Variants in ARHGEF18 observed in about 807,000 individuals in gnomAD.
The protein encoded by ARHGEF18 is rho guanine nucleotide exchange factor 18.
ARHGEF18 carries 93 observed loss-of-function variants against 155.7 expected under a neutral mutation model. The ratio of observed to expected loss-of-function variants is 0.60; its 90% CI spans 0.50 to 0.71. ARHGEF18 has a LOEUF of 0.71. Among genes scored for constraint, ARHGEF18 ranks in the 30% least tolerant of loss-of-function variants. ARHGEF18 has a pLI of 0.00. For synonymous variants in ARHGEF18, 742 were observed against 753.1 expected, an observed-to-expected ratio of 0.99 and a Z score of 0.24; for missense variants, 1,593 against 1,816.1, an observed-to-expected ratio of 0.88 and a Z score of 2.23.
intron 10 of ARHGEF18, among the ~76,000 whole-genome samples, chr19:7,438,785 G>C (rs1269103002): frequency 2.0e-5 from 3 of 152,162 alleles, no homozygotes; most frequent in Non-Finnish European, 4.4e-5. Context: ...TAAAATGTAA[G>C]AGTAAACTAG....
intron 2 of ARHGEF18, among the ~76,000 whole-genome samples, chr19:7,364,352 G>GAGGGAAGGA: frequency 1.5e-5 from 2 of 131,958 alleles, no homozygotes; most frequent in Non-Finnish European, 3.2e-5. Context: ...AGAAAGGAAG[G>GAGGGAAGGA]AAGGAGGGAA....
rs1234935114 is a variant in ARHGEF18, at chr19:7,440,440, C to T, written c.1064C>T (p.Pro355Leu). The T allele has an allele frequency of 6.2e-7, 1 of 1,601,616 alleles. No individual in the cohort carries two copies. Among genetic ancestry groups the T allele is most frequent in the Non-Finnish European group, 8.5e-7 (1 of 1,179,892 alleles). ...VGMTVSQKGG[P>L]QPTPSPAGPG... Reference sequence around the variant, plus strand: ...ATGACGGTCTCTCAGAAAGGGGGTCCCCAGCCAACACCGAGCCCGGCTGGC... The same window carrying T: ...ATGACGGTCTCTCAGAAAGGGGGTCTCCAGCCAACACCGAGCCCGGCTGGC... The change falls in exon 11 of 29, where the codon CCC (proline) becomes CTC (leucine). Residue 355 changes from proline to leucine, a missense_variant. Pro to Leu is a moderately conservative substitution (Grantham distance 98). Coordinates refer to ENST00000668164, the MANE Select transcript of ARHGEF18 (RefSeq NM_001367823.1). The surrounding 1 kb of genome is among the most constrained non-coding windows in gnomAD (Gnocchi z 5.4).
At chr19:7,434,779 G>A (rs1206854934) in intron 10 of ARHGEF18, among the ~76,000 whole-genome samples, 1 of 152,230 alleles carries the variant, frequency 6.6e-6, no homozygotes, top group Non-Finnish European at 1.5e-5. Context: ...CATCACAGGT[G>A]TGAGTTTGTT....
At chr19:7,458,462 G>A (rs771767376) in intron 18 of ARHGEF18, 50 bp from the exon 19 acceptor site, 2 of 1,567,828 alleles carry the variant, frequency 1.3e-6, no homozygotes, top group Non-Finnish European at 1.7e-6. Flanking sequence ...CCTGCTGTTT[G>A]GGTGCTGTGG....
chr19:7,352,147 A>C (rs75450991), intron 1 of ARHGEF18, among the ~76,000 whole-genome samples: 143,744 of 152,116 alleles, frequency 0.94, 67,964 homozygotes, highest in Middle Eastern at 0.99. Context: ...CTATAGGGAT[A>C]ATTTGTGTCT....
At chr19:7,429,114 G>A (rs576575655) in intron 10 of ARHGEF18, among the ~76,000 whole-genome samples, 3 of 99,594 alleles carry the variant, frequency 3.0e-5, no homozygotes, top group Admixed American at 2.1e-4. Context: ...TCGAGGGGCC[G>A]GGGGCTCTGA....
chr19:7,358,215 T>TTCCATCCATTCA (rs1969395748), intron 1 of ARHGEF18, among the ~76,000 whole-genome samples: 4 of 142,730 alleles, frequency 2.8e-5, no homozygotes, highest in Non-Finnish European at 1.5e-5. Context: ...CCATCCATCC[T>TTCCATCCATTCA]TCCATCCATC....
chr19:7,440,280 G>A lies in ARHGEF18; in HGVS notation c.968-64G>A, dbSNP rs1030201234. The A allele has an allele frequency of 3.3e-5, 52 of 1,567,242 alleles. No homozygotes were observed. Among genetic ancestry groups the A allele is most frequent in the Non-Finnish European group, 4.3e-5 (50 of 1,156,496 alleles). On this transcript the variant is annotated intron_variant, in intron 10 of 28. Transcript: ENST00000668164. This position sits in a 1 kb window ranked among gnomAD's most constrained non-coding sequence, Gnocchi z 5.4. ...GCCGCAGTCGGAGCGGGGCTTCCGC[G>A]CCGGGGACCTCCGCTACCCGACCCA...
chr19:7,477,375 G>A (rs757397600), downstream of ARHGEF18: 15 of 1,557,834 alleles, frequency 9.6e-6, no homozygotes, highest in Admixed American at 2.5e-4. Context: ...TTGCTGAGAA[G>A]TGACAGCGCC....
chr19:7,454,685 C>T (rs887379935), intron 17 of ARHGEF18, among the ~76,000 whole-genome samples: 1 of 152,162 alleles, frequency 6.6e-6, no homozygotes, highest in Non-Finnish European at 1.5e-5. Context: ...ATGGTTGTAT[C>T]ACCGTCCTCC....
chr19:7,439,870 A>G, intron 10 of ARHGEF18: 1 of 1,448,120 alleles, frequency 6.9e-7, no homozygotes, highest in South Asian at 1.5e-5. Flanking sequence ...ACCAAGGGAG[A>G]GCCTGGAGGG....
In ARHGEF18 at chr19:7,373,195, TG is replaced by T. The variant is rs2145404208; in HGVS notation, c.275+126del. ...CACCTGCCGTGGTCCCCAACCTTTT[TG>T]GTACCAGGGACCAGTTTCATGGAAG... is the stretch of plus-strand genomic sequence containing the variant. On this transcript the variant is annotated intron_variant, in intron 3 of 28. Transcript: ENST00000668164. The T allele has an allele frequency of 3.4e-6, 4 of 1,166,424 alleles. No individual in the cohort carries two copies. In the South Asian group the frequency reaches 1.8e-4, roughly 53 times the overall value. 72.3% of individuals were successfully genotyped at this position (1,166,424 alleles called of 1,614,324 possible).
At chr19:7,356,854 AAG>A (rs887562190) in intron 1 of ARHGEF18, among the ~76,000 whole-genome samples, 13 of 152,118 alleles carry the variant, frequency 8.5e-5, no homozygotes, top group Admixed American at 4.6e-4. Flanking sequence ...GTTTTCATGA[AAG>A]AGGGGGCCAA....
intron 1 of ARHGEF18, among the ~76,000 whole-genome samples, chr19:7,360,441 G>A (rs530172430): frequency 6.6e-6 from 1 of 152,190 alleles, no homozygotes; most frequent in Non-Finnish European, 1.5e-5. Flanking sequence ...TCGCCATGTT[G>A]GTCAGGCTGG....
intron 10 of ARHGEF18, among the ~76,000 whole-genome samples, chr19:7,433,913 A>G (rs1968255): frequency 0.64 from 97,020 of 150,536 alleles, 32,234 homozygotes; most frequent in African/African-American, 0.8. Context: ...CAGCTACTCG[A>G]GGGGCTGAGG....
intron 6 of ARHGEF18, among the ~76,000 whole-genome samples, chr19:7,378,663 A>C (rs1283978813): frequency 1.5e-5 from 2 of 135,786 alleles, no homozygotes; most frequent in Non-Finnish European, 3.1e-5. Flanking sequence ...TTCTCAATGT[A>C]GCCTTGGGAG....
At chr19:7,425,157 A>G (rs1004437908) in intron 10 of ARHGEF18, among the ~76,000 whole-genome samples, 1 of 152,126 alleles carries the variant, frequency 6.6e-6, no homozygotes, top group Non-Finnish European at 1.5e-5. Context: ...CATGACATGC[A>G]GCCAACTGGT....
chr19:7,408,937 A>G (rs1461882605), intron 10 of ARHGEF18, among the ~76,000 whole-genome samples: 1 of 151,988 alleles, frequency 6.6e-6, no homozygotes, highest in Non-Finnish European at 1.5e-5. Flanking sequence ...GTGTGCACCT[A>G]TAGTCCCAGC....
Position 7,446,895 on chromosome 19 carries a change from C to CAAAA in ARHGEF18, c.1612-135_1612-132dup, listed in dbSNP as rs11329734. The CAAAA allele has an allele frequency of 2.4e-4, 172 of 708,068 alleles. No individual in the cohort carries two copies. In the African/African-American group the frequency reaches 4.5e-3, roughly 19 times the overall value. 43.9% of individuals were successfully genotyped at this position (708,068 alleles called of 1,614,324 possible). A position where few individuals can be genotyped will look rare whatever the true frequency, so the allele number is the denominator to read the frequency against. On this transcript the variant is annotated intron_variant, in intron 14 of 28. Transcript: ENST00000668164. ...TGAGCCACAGAGCAAGATGCTGTCTCAAAAAAAAAAAAAAAAGAAGAAGAA... is the reference window on the plus strand; with the variant it reads ...TGAGCCACAGAGCAAGATGCTGTCTCAAAAAAAAAAAAAAAAAAAAGAAGAAGAA...
Sources: allele counts gnomAD v4.1 joint callset (sites outside exome capture counted in the v4.1 genomes callset), GRCh38; gene constraint gnomAD v4.1.1; non-coding constraint Gnocchi (gnomAD v3.1); transcripts MANE v1.5; gene names NCBI Gene and HGNC (gene_info 2026-07-23, HGNC 2026-07-21).